ABCG1: variants seen among roughly 807,000 people sequenced by gnomAD.
ABCG1 encodes the protein ATP binding cassette subfamily G member 1.
In ABCG1, 29 loss-of-function variants were observed where a neutral mutation model predicts 69.2. The ratio of observed to expected loss-of-function variants is 0.42; its 90% CI spans 0.31 to 0.57. The LOEUF is 0.57. Ranked by LOEUF, ABCG1 falls within the 20% of genes least tolerant of loss-of-function variation. ABCG1 has a pLI of 0.15. For missense variants in ABCG1, 718 were observed against 898.1 expected, an observed-to-expected ratio of 0.80 and a Z score of 2.56; for synonymous variants, 370 against 374.8, an observed-to-expected ratio of 0.99 and a Z score of 0.15.
At chr21:42,279,319 A>G (rs2123761700) in intron 5 of ABCG1, among the ~76,000 whole-genome samples, 1 of 152,296 alleles carries the variant, frequency 6.6e-6, no homozygotes, top group Non-Finnish European at 1.5e-5. Context: ...CCAAGGACAG[A>G]GCAAACGGTG....
At chr21:42,282,535 C>T (rs1601439857) in intron 6 of ABCG1, 116 bp downstream of exon 6, 1 of 1,270,540 alleles carries the variant, frequency 7.9e-7, no homozygotes, top group East Asian at 2.6e-5. Flanking sequence ...GAGTTGAGCT[C>T]ACCCGGCGGT....
upstream of ABCG1, among the ~76,000 whole-genome samples, chr21:42,217,923 C>T (rs2067660279): frequency 6.6e-6 from 1 of 152,028 alleles, no homozygotes; most frequent in Non-Finnish European, 1.5e-5. Context: ...GATCTCCTGA[C>T]CTCCCAAAGT....
upstream of ABCG1, among the ~76,000 whole-genome samples, chr21:42,216,348 T>C (rs2067639943): frequency 6.6e-6 from 1 of 152,074 alleles, no homozygotes; most frequent in African/African-American, 2.4e-5. Context: ...GGGTTGGGAC[T>C]AAGCTGGTCC....
At chr21:42,269,102 C>T (rs1002798632) in intron 2 of ABCG1, among the ~76,000 whole-genome samples, 4 of 152,194 alleles carry the variant, frequency 2.6e-5, no homozygotes, top group Non-Finnish European at 5.9e-5. Context: ...CTGGTGAGCT[C>T]AGTGACCAGG....
intron 1 of ABCG1, among the ~76,000 whole-genome samples, chr21:42,200,946 G>A (rs757826609): frequency 3.9e-5 from 6 of 151,944 alleles, no homozygotes; most frequent in East Asian, 1.9e-4. Flanking sequence ...TTTTTCTTAC[G>A]TCCCGAGGTA....
intron 2 of ABCG1, among the ~76,000 whole-genome samples, chr21:42,251,769 A>G (rs2068225562): frequency 6.6e-6 from 1 of 152,232 alleles, no homozygotes; most frequent in Non-Finnish European, 1.5e-5. Context: ...TGGGAGACTC[A>G]GAATCCCACT....
At chr21:42,265,423 T>C (rs1346683761) in intron 2 of ABCG1, among the ~76,000 whole-genome samples, 1 of 152,208 alleles carries the variant, frequency 6.6e-6, no homozygotes, top group Non-Finnish European at 1.5e-5. Context: ...TGATCTCATA[T>C]GACAGCTGTC....
At chr21:42,203,046 G>A (rs565054885) in intron 2 of ABCG1, among the ~76,000 whole-genome samples, 212 of 152,290 alleles carry the variant, frequency 1.4e-3, no homozygotes, top group African/African-American at 5.0e-3. Context: ...AGTGCAGGAA[G>A]GACAGCTTTT....
At chr21:42,265,858 G>T (rs1569226662) in intron 2 of ABCG1, among the ~76,000 whole-genome samples, 1 of 152,176 alleles carries the variant, frequency 6.6e-6, no homozygotes, top group Non-Finnish European at 1.5e-5. Context: ...CTCCCCCTTA[G>T]TGAGGCAGCC....
chr21:42,278,516 A>G (rs904097780), intron 5 of ABCG1, among the ~76,000 whole-genome samples: 1 of 152,168 alleles, frequency 6.6e-6, no homozygotes, highest in Non-Finnish European at 1.5e-5. Flanking sequence ...TCCCTGTAAG[A>G]AGAGGAGAGG....
chr21:42,228,001 A>G (rs2123533169), intron 2 of ABCG1, among the ~76,000 whole-genome samples: 1 of 152,354 alleles, frequency 6.6e-6, no homozygotes, highest in African/African-American at 2.4e-5. Context: ...TTACAATTCA[A>G]GATGAGATTT....
rs75674722 is a variant in ABCG1, at chr21:42,269,310, G to C, written c.287-1760G>C. On this transcript the variant is annotated intron_variant, in intron 2 of 14. Coordinates refer to ENST00000398449, the MANE Select transcript of ABCG1 (RefSeq NM_016818.3). ...CAGTACTCCATGGTGCAGAGAGCTT[G>C]CTCCTGTGGAGGAAGTGTCTATGTG... Among the ~76,000 whole-genome samples, 15 of 152,320 alleles carry C rather than the reference G, an allele frequency of 9.8e-5. No individual in the cohort carries two copies. The East Asian group carries it at 2.9e-3, about 29-fold the overall frequency.
intron 2 of ABCG1, among the ~76,000 whole-genome samples, chr21:42,265,842 C>T (rs190659031): frequency 1.1e-4 from 16 of 152,302 alleles, no homozygotes; most frequent in Admixed American, 9.1e-4. Flanking sequence ...TCCTGCCGGC[C>T]CTGGCCTCCC....
intron 10 of ABCG1, among the ~76,000 whole-genome samples, chr21:42,289,803 C>T (rs1257204627): frequency 6.6e-6 from 1 of 152,138 alleles, no homozygotes; most frequent in Non-Finnish European, 1.5e-5. Flanking sequence ...GGTTTTAACA[C>T]AACAAAAGCC....
intron 2 of ABCG1, among the ~76,000 whole-genome samples, chr21:42,206,693 G>A (rs1265677722): frequency 1.3e-5 from 2 of 152,156 alleles, no homozygotes; most frequent in Non-Finnish European, 2.9e-5. Flanking sequence ...CTGTGCTGAA[G>A]CAATCCTCCT....
Position 42,285,995 on chromosome 21 carries a change from G to A in ABCG1, c.973+1G>A. On this transcript the variant is annotated splice_donor_variant, in intron 8 of 14. Transcript: ENST00000398449. LOFTEE classifies it high-confidence loss of function. ...ACCTACCACAACCCAGCAGATTTTG[G>A]TAAGCGGAGTCCTGAGCAGCTCGGG... 6.2e-7 allele frequency: 1 copy of A among 1,604,676 alleles called. No individual in the cohort carries two copies. Among genetic ancestry groups the A allele is most frequent in the Non-Finnish European group, 8.5e-7 (1 of 1,171,454 alleles).
rs2068016457 is a variant in ABCG1, at chr21:42,239,154, G to A, written c.286+13240G>A. 1.3e-5 allele frequency among the ~76,000 whole-genome samples: 2 copies of A among 152,212 alleles called. 1 individual carries two copies. Among genetic ancestry groups the A allele is most frequent in the Non-Finnish European group, 2.9e-5 (2 of 68,030 alleles). On this transcript the variant is annotated intron_variant, in intron 2 of 14. Coordinates refer to ENST00000398449, the MANE Select transcript of ABCG1 (RefSeq NM_016818.3). ...GCAGTATAGGATAGAGCTCAGGAAT[G>A]TGGGCTCCACAGTAAGAGAGTCTGG...
chr21:42,258,699 G>A (rs2068352057), intron 2 of ABCG1, among the ~76,000 whole-genome samples: 4 of 152,116 alleles, frequency 2.6e-5, no homozygotes, highest in African/African-American at 9.7e-5. Context: ...GAGAACAGCC[G>A]AGGTCAGCCT....
upstream of ABCG1, chr21:42,216,188 T>A (rs1334550327): frequency 2.2e-6 from 1 of 449,452 alleles, no homozygotes; most frequent in Non-Finnish European, 4.5e-6. Context: ...CACATGGAAC[T>A]GTGAGTCCGT....
Sources: allele counts gnomAD v4.1 joint callset (sites outside exome capture counted in the v4.1 genomes callset), GRCh38; gene constraint gnomAD v4.1.1; transcripts MANE v1.5; gene names NCBI Gene and HGNC (gene_info 2026-07-23, HGNC 2026-07-21).